Variants in GRIPAP1 observed in about 807,000 individuals in gnomAD.
The protein encoded by GRIPAP1 is GRIP1-associated protein 1.
Under a neutral mutation model 84.1 loss-of-function variants are expected in GRIPAP1, and 14 were observed. The observed-to-expected ratio is 0.17, with a 90% CI of 0.11 to 0.26. GRIPAP1 has a LOEUF of 0.26. GRIPAP1 is among the 10% of genes least tolerant of loss of function. GRIPAP1 has a pLI of 1.00. For missense variants in GRIPAP1, 518 were observed against 674.2 expected, an observed-to-expected ratio of 0.77 and a Z score of 2.57; for synonymous variants, 261 against 256.8, an observed-to-expected ratio of 1.02 and a Z score of -0.15.
intron 11 of GRIPAP1, 91 bp from the exon 12 acceptor site, chrX:48,988,289 T>C: frequency 3.3e-6 from 2 of 610,349 alleles, no homozygotes; most frequent in East Asian, 3.6e-5. Flanking sequence ...CCCAGCAGCA[T>C]GTTCTCAGCA....
At chrX:49,000,544 A>T (rs889304674) in intron 1 of GRIPAP1, 2 of 107,521 alleles carry the variant, frequency 1.9e-5, no homozygotes, top group Non-Finnish European at 3.8e-5. Context: ...TACAAAAATT[A>T]GCTGGGCGTG....
At position 48,989,649 on chromosome X, in the gene GRIPAP1, T is replaced by C; in HGVS notation, c.832A>G (p.Thr278Ala). 8.3e-7 allele frequency: 1 copy of C among 1,207,446 alleles called. No individual in the cohort carries two copies. ...TCAAGTTCCTGCTGCAGCTTCTGGGTTCGAGCCAACTGGGCTTTGTGATCA... is the reference window on the plus strand; with the variant it reads ...TCAAGTTCCTGCTGCAGCTTCTGGGCTCGAGCCAACTGGGCTTTGTGATCA... ...EADHKAQLAR[T>A]QKLQQELEAA... is the part of the protein sequence containing the mutation. Residue 278 changes from threonine (T) to alanine (A), a missense_variant, in exon 11 of 26, where the codon ACC (threonine) becomes GCC (alanine). Physicochemically the swap from Thr to Ala is moderately conservative, Grantham distance 58. Around this residue, in one of 5 missense-constraint regions of GRIPAP1, gnomAD observed 372 missense variants for 458.1 expected, o/e 0.81. Transcript: ENST00000376423.
chrX:49,000,258 G>A (rs200986154), intron 1 of GRIPAP1, among the ~76,000 whole-genome samples: 3 of 105,855 alleles, frequency 2.8e-5, no homozygotes, highest in East Asian at 2.9e-4. Flanking sequence ...CCAGCTACTC[G>A]GGAGGCTGAG....
chrX:48,997,599 G>C (rs1210874058), intron 4 of GRIPAP1, among the ~76,000 whole-genome samples: 1 of 108,957 alleles, frequency 9.2e-6, no homozygotes, highest in Non-Finnish European at 1.9e-5. Flanking sequence ...GGAAAAGACA[G>C]GAAGATAATG....
chrX:48,989,943 C>A lies in GRIPAP1; in HGVS notation c.722+29G>T, dbSNP rs782661849. The A allele has an allele frequency of 1.7e-5, 20 of 1,201,772 alleles. No individual in the cohort carries two copies. In the South Asian group the frequency reaches 3.5e-4, roughly 21 times the overall value. On this transcript the variant is annotated intron_variant, in intron 9 of 25. Transcript: ENST00000376423. ...CCGTAAGTTAATTCCCCCCTCGGCC[C>A]CCAGTACCCTTGGGAAAAAGAAATT... is the stretch of plus-strand genomic sequence containing the variant.
chrX:48,992,090 C>CT (rs1362257220), intron 6 of GRIPAP1, among the ~76,000 whole-genome samples: 1 of 111,006 alleles, frequency 9.0e-6, no homozygotes, highest in African/African-American at 3.3e-5. Context: ...ACTGCAACCT[C>CT]TGCCTCCCAG....
chrX:48,979,463 C>T (rs1428190253), intron 21 of GRIPAP1, among the ~76,000 whole-genome samples: 2 of 47,261 alleles, frequency 4.2e-5, no homozygotes, highest in African/African-American at 9.4e-5. Flanking sequence ...GGCGACAGAG[C>T]GAGACTCCGT....
intron 5 of GRIPAP1, among the ~76,000 whole-genome samples, chrX:48,994,504 A>G: frequency 9.0e-6 from 1 of 111,447 alleles, no homozygotes; most frequent in East Asian, 2.8e-4. Context: ...GATTACAGGC[A>G]TGAGCCACCG....
At chrX:49,001,792 A>C (rs1266868391) in intron 1 of GRIPAP1, among the ~76,000 whole-genome samples, 1 of 110,204 alleles carries the variant, frequency 9.1e-6, no homozygotes, top group Non-Finnish European at 1.9e-5. Flanking sequence ...TCCCACCACC[A>C]TGACGCAAAC....
At chrX:48,983,949 C>T in intron 14 of GRIPAP1, 79 bp from the exon 15 acceptor site, 1 of 598,809 alleles carries the variant, frequency 1.7e-6, no homozygotes, top group Non-Finnish European at 2.9e-6. Flanking sequence ...TCTGGTAGAC[C>T]ATCTCCCTTC....
chrX:48,985,817 T>C (rs2064483722), intron 13 of GRIPAP1, among the ~76,000 whole-genome samples: 1 of 110,373 alleles, frequency 9.1e-6, no homozygotes, highest in African/African-American at 3.3e-5. Flanking sequence ...TGCTTTATAC[T>C]TTGATCTGGG....
At chrX:48,984,020 T>C (rs2064472741) in intron 14 of GRIPAP1, 150 bp from the exon 15 acceptor site, 3 of 468,841 alleles carry the variant, frequency 6.4e-6, no homozygotes, top group East Asian at 3.6e-5. Flanking sequence ...CAGAGACTGC[T>C]AGTTGCTCCC....
chrX:48,990,786 GC>G (rs2064515492), intron 7 of GRIPAP1, 54 bp from the exon 8 acceptor site: 3 of 1,085,924 alleles, frequency 2.8e-6, no homozygotes, highest in Non-Finnish European at 3.8e-6. Flanking sequence ...ACAAGGAGAA[GC>G]CTTCCCCTGC....
At position 48,979,505 on chromosome X, in the gene GRIPAP1, A is replaced by G. The variant is rs1173107024; in HGVS notation, c.1931-1070T>C. ...AAAAAAAAAAAAAAAAAAAAAAAGA[A>G]ATGCAAGCAGGCTCTCGTACCCACG... On this transcript the variant is annotated intron_variant, in intron 21 of 25. Coordinates refer to ENST00000376423, the MANE Select transcript of GRIPAP1 (RefSeq NM_020137.5). 4.4e-3 allele frequency among the ~76,000 whole-genome samples: 6 copies of G among 1,376 alleles called. 2 individuals are homozygous for G. The highest frequency in any genetic ancestry group is 0.012 in the African/African-American group (6 of 506). The allele number at this position is 1,376 out of a possible 115,157, so 1.2% of individuals were successfully genotyped here. A position where few individuals can be genotyped will look rare whatever the true frequency, so the allele number is the denominator to read the frequency against.
intron 21 of GRIPAP1, among the ~76,000 whole-genome samples, chrX:48,980,197 G>C (rs1220372053): frequency 2.9e-5 from 3 of 102,402 alleles, no homozygotes; most frequent in Non-Finnish European, 5.9e-5. Flanking sequence ...GGCCATCCCC[G>C]TCTTAAAAAA....
chrX:48,986,540 C>T (rs908297380), intron 13 of GRIPAP1, among the ~76,000 whole-genome samples: 12 of 109,218 alleles, frequency 1.1e-4, no homozygotes, highest in Admixed American at 9.8e-4. Context: ...TACAGGTGTG[C>T]GCCACCATGC....
intron 6 of GRIPAP1, among the ~76,000 whole-genome samples, chrX:48,992,176 T>C (rs1557065729): frequency 1.8e-5 from 2 of 111,281 alleles, no homozygotes; most frequent in African/African-American, 3.3e-5. Flanking sequence ...TGGCTAATTA[T>C]TGTATTTTTA....
In GRIPAP1 at chrX:48,987,823, T is replaced by C; in HGVS notation, c.1003A>G (p.Asn335Asp). 8.3e-7 allele frequency: 1 copy of C among 1,205,326 alleles called. No homozygotes were observed. Among genetic ancestry groups the C allele is most frequent in the Non-Finnish European group, 1.1e-6 (1 of 891,176 alleles). ...GCCAGGCTAGTCCTCAAGGCATTGT[T>C]CTCAGCCAAAAGCCCTTCCACTTGT... Reference protein sequence around the residue: ...QEQVEGLLAENNALRTSLAAL... With the variant: ...QEQVEGLLAEDNALRTSLAAL... The change falls in exon 13 of 26, where the codon AAC (asparagine) becomes GAC (aspartate). Residue 335 changes from asparagine (N) to aspartate (D), a missense_variant. This residue lies in a region of GRIPAP1 where 372 missense variants were observed against 458.1 expected (regional missense o/e 0.81). Transcript: ENST00000376423.
intron 22 of GRIPAP1, chrX:48,978,027 G>T: frequency 3.9e-6 from 1 of 256,069 alleles, no homozygotes; most frequent in Non-Finnish European, 7.1e-6. Flanking sequence ...CCTTCTCCTT[G>T]GATGGTGCAC....
Sources: allele counts gnomAD v4.1 joint callset (sites outside exome capture counted in the v4.1 genomes callset), GRCh38; gene constraint gnomAD v4.1.1; regional missense constraint gnomAD v4.1.1; transcripts MANE v1.5; gene names NCBI Gene and HGNC (gene_info 2026-07-23, HGNC 2026-07-21).